CAMK1D: variants seen among roughly 807,000 people sequenced by gnomAD.
CAMK1D encodes calcium/calmodulin-dependent protein kinase type 1D.
Under a neutral mutation model 47.7 loss-of-function variants are expected in CAMK1D, and 9 were observed. That is an observed-to-expected ratio of 0.19 (90% confidence interval 0.11 to 0.33). The LOEUF (loss-of-function observed/expected upper bound fraction) is 0.33, where lower values mean the gene tolerates loss of function less well. Among genes scored for constraint, CAMK1D ranks in the 10% least tolerant of loss-of-function variants. The pLI is 1.00. For missense variants in CAMK1D, 291 were observed against 488.7 expected (o/e 0.60, Z 3.81); for synonymous variants, 184 against 184.9 (o/e 0.99, Z 0.04).
chr10:12,641,158 G>A (rs1366575153), intron 2 of CAMK1D, among the ~76,000 whole-genome samples: 2 of 152,060 alleles, frequency 1.3e-5, no homozygotes, highest in Non-Finnish European at 2.9e-5. Context: ...TAGTAGAGAA[G>A]GGGTTTCACC....
At chr10:12,395,917 A>T (rs981056524) in intron 1 of CAMK1D, among the ~76,000 whole-genome samples, 1 of 151,402 alleles carries the variant, frequency 6.6e-6, no homozygotes, top group African/African-American at 2.4e-5. Context: ...ACAGAGTGAG[A>T]CTCCGTCTCA....
At chr10:12,812,096 G>A (rs1832629427) in intron 6 of CAMK1D, among the ~76,000 whole-genome samples, 1 of 152,262 alleles carries the variant, frequency 6.6e-6, no homozygotes, top group Non-Finnish European at 1.5e-5. Context: ...GCGCAGCGAT[G>A]GCTGGCGATG....
At chr10:12,486,227 CA>C in intron 1 of CAMK1D, among the ~76,000 whole-genome samples, 14 of 151,588 alleles carry the variant, frequency 9.2e-5, no homozygotes, top group African/African-American at 3.1e-4. Flanking sequence ...GGCACGATCC[CA>C]GCTCACTGCA....
At position 12,831,146 on chromosome 10, in the gene CAMK1D, A is replaced by G. The variant is rs1167168204; in HGVS notation, c.*2259A>G. 1 of 152,208 alleles carries G rather than the reference A, an allele frequency of 6.6e-6. No individual in the cohort carries two copies. The highest frequency in any genetic ancestry group is 2.4e-5 in the African/African-American group (1 of 41,442). The allele number at this position is 152,208 out of a possible 1,614,324, so 9.4% of individuals were successfully genotyped here. On this transcript the variant is annotated 3_prime_UTR_variant, in exon 11 of 11. Coordinates refer to ENST00000619168, the MANE Select transcript of CAMK1D (RefSeq NM_153498.4). ...CGCATGCTCACAGGGTGAAAAATCA[A>G]GCTGTCACTCTGCAAAATCTAAAAA...
chr10:12,541,404 C>G (rs1836165532), intron 1 of CAMK1D, among the ~76,000 whole-genome samples: 1 of 152,136 alleles, frequency 6.6e-6, no homozygotes, highest in African/African-American at 2.4e-5. Context: ...TGCTCTGTGA[C>G]CCAGGCTGGA....
intron 3 of CAMK1D, among the ~76,000 whole-genome samples, chr10:12,678,902 A>G (rs980571138): frequency 2.0e-5 from 3 of 152,020 alleles, no homozygotes; most frequent in African/African-American, 7.2e-5. Context: ...AGCTGAGATT[A>G]CAAGCATGCA....
At chr10:12,809,940 G>A (rs1369574027) in intron 6 of CAMK1D, among the ~76,000 whole-genome samples, 1 of 151,898 alleles carries the variant, frequency 6.6e-6, no homozygotes, top group Non-Finnish European at 1.5e-5. Context: ...TTGAGCCCAG[G>A]AGTTCCAGAC....
chr10:12,602,793 G>T (rs1838340360), intron 2 of CAMK1D, among the ~76,000 whole-genome samples: 1 of 152,050 alleles, frequency 6.6e-6, no homozygotes, highest in African/African-American at 2.4e-5. Flanking sequence ...CTCCGCCTCT[G>T]TCTGTGTGGG....
chr10:12,387,310 A>G (rs1480912724), intron 1 of CAMK1D, among the ~76,000 whole-genome samples: 4 of 143,228 alleles, frequency 2.8e-5, no homozygotes, highest in South Asian at 2.1e-4. Context: ...TGTATAATAT[A>G]TAATGGCTAA....
In CAMK1D at chr10:12,829,172, A is replaced by G. The variant is rs1833368983; in HGVS notation, c.*285A>G. 1 of 294,400 alleles carries G rather than the reference A, an allele frequency of 3.4e-6. No homozygotes were observed. Among genetic ancestry groups the G allele is most frequent in the Admixed American group, 5.2e-5 (1 of 19,180 alleles). 18.2% of individuals were successfully genotyped at this position (294,400 alleles called of 1,614,324 possible). On this transcript the variant is annotated 3_prime_UTR_variant, in exon 11 of 11. Coordinates refer to ENST00000619168, the MANE Select transcript of CAMK1D (RefSeq NM_153498.4). ...ACGGACCTTCTTATTCCTCTCCCCT[A>G]ACACCATCGTTTCCACTCTTCTCAG...
At chr10:12,577,472 G>T (rs1332688515) in intron 2 of CAMK1D, among the ~76,000 whole-genome samples, 1 of 152,152 alleles carries the variant, frequency 6.6e-6, no homozygotes, top group Non-Finnish European at 1.5e-5. Flanking sequence ...TTTATTTAAA[G>T]AACTAAATTA....
intron 2 of CAMK1D, among the ~76,000 whole-genome samples, chr10:12,666,164 G>A (rs1348051807): frequency 6.6e-6 from 1 of 151,388 alleles, no homozygotes; most frequent in East Asian, 1.9e-4. Flanking sequence ...AGTGACATTT[G>A]GTAGTGGGGT....
At chr10:12,564,292 G>T (rs1013383397) in intron 2 of CAMK1D, among the ~76,000 whole-genome samples, 9 of 151,916 alleles carry the variant, frequency 5.9e-5, no homozygotes, top group Admixed American at 3.9e-4. Flanking sequence ...TATAGAAAAA[G>T]AAATAGACAC....
chr10:12,513,040 G>T lies in CAMK1D; in HGVS notation c.93-40185G>T, dbSNP rs138582470. ...CGAGCAGGAGAGGTTTGGATTGACTGCCCAGGCCAGCTCAGAAGAGGAAAT... is the reference window on the plus strand; with the variant it reads ...CGAGCAGGAGAGGTTTGGATTGACTTCCCAGGCCAGCTCAGAAGAGGAAAT... On this transcript the variant is annotated intron_variant, in intron 1 of 10. Transcript: ENST00000619168. Among the ~76,000 whole-genome samples the T allele has an allele frequency of 3.3e-5, 5 of 152,322 alleles. No individual in the cohort carries two copies. The East Asian group carries it at 9.6e-4, about 29-fold the overall frequency.
At chr10:12,492,169 A>G (rs913527031) in intron 1 of CAMK1D, among the ~76,000 whole-genome samples, 13 of 152,090 alleles carry the variant, frequency 8.5e-5, no homozygotes, top group Non-Finnish European at 1.5e-4. Context: ...GGAAGTGCCT[A>G]CTGTGGCTGT....
In CAMK1D at chr10:12,366,472, T is replaced by C. The variant is rs369941236; in HGVS notation, c.92+16562T>C. Reference sequence around the variant, plus strand: ...GAGTTTGAGACGAGCCTGGCCAACATAGTGAAACCCCATGTCTACTAAAAA... The same window carrying C: ...GAGTTTGAGACGAGCCTGGCCAACACAGTGAAACCCCATGTCTACTAAAAA... On this transcript the variant is annotated intron_variant, in intron 1 of 10. Coordinates refer to ENST00000619168, the MANE Select transcript of CAMK1D (RefSeq NM_153498.4). Among the ~76,000 whole-genome samples, 45 of 150,896 alleles carry C rather than the reference T, an allele frequency of 3.0e-4. 1 individual carries two copies. In the East Asian group the frequency reaches 7.8e-3, roughly 26 times the overall value.
chr10:12,509,029 T>C (rs1222611803), intron 1 of CAMK1D, among the ~76,000 whole-genome samples: 2 of 152,116 alleles, frequency 1.3e-5, no homozygotes, highest in African/African-American at 4.8e-5. Context: ...ATAAATCACC[T>C]TGGAGAGGGG....
At chr10:12,461,951 C>T (rs939608511) in intron 1 of CAMK1D, among the ~76,000 whole-genome samples, 2 of 151,080 alleles carry the variant, frequency 1.3e-5, no homozygotes, top group Non-Finnish European at 2.9e-5. Flanking sequence ...ACGCTTCTCT[C>T]GGATCCACTT....
At chr10:12,722,907 G>T (rs917714432) in intron 3 of CAMK1D, among the ~76,000 whole-genome samples, 2 of 152,188 alleles carry the variant, frequency 1.3e-5, no homozygotes, top group Admixed American at 1.3e-4. Flanking sequence ...ACAGAATATT[G>T]AAAGTGTTCA....
Sources: gnomAD v4.1 joint callset for allele counts (sites outside exome capture counted in the v4.1 genomes callset) on GRCh38, gnomAD v4.1.1 for gene constraint, MANE v1.5 for transcripts, NCBI Gene and HGNC (gene_info 2026-07-23, HGNC 2026-07-21) for gene names.